CNOT6: variants seen among roughly 807,000 people sequenced by gnomAD.
The protein encoded by CNOT6 is carbon catabolite repression 4 protein.
CNOT6 carries 12 observed loss-of-function variants against 61.2 expected under a neutral mutation model. That is an observed-to-expected ratio of 0.20 (90% CI 0.13 to 0.32). The LOEUF is 0.32. CNOT6 is among the 10% of genes least tolerant of loss of function. CNOT6 has a pLI of 1.00. For missense variants in CNOT6, 405 were observed against 663.9 expected, an observed-to-expected ratio of 0.61 and a Z score of 4.28; for synonymous variants, 225 against 240.6, an observed-to-expected ratio of 0.94 and a Z score of 0.60.
intron 2 of CNOT6, among the ~76,000 whole-genome samples, chr5:180,536,646 T>C (rs1242996431): frequency 6.6e-6 from 1 of 152,076 alleles, no homozygotes; most frequent in African/African-American, 2.4e-5. Flanking sequence ...GATCTCACTT[T>C]GTCACCCAGG....
rs572865987 is a variant in CNOT6 at position 180,515,984 on chromosome 5, C to G, written c.-2-13291C>G. On this transcript the variant is annotated intron_variant, in intron 1 of 11. Transcript: ENST00000261951. ...GGAGTGCAGTGGCTTGATCTCATCTCACTGCAACTTCCACTTCCTGGTCTC... is the reference window on the plus strand; with the variant it reads ...GGAGTGCAGTGGCTTGATCTCATCTGACTGCAACTTCCACTTCCTGGTCTC... Among the ~76,000 whole-genome samples the G allele has an allele frequency of 9.2e-5, 14 of 152,240 alleles. No homozygotes were observed. The East Asian group carries it at 2.5e-3, about 27-fold the overall frequency.
chr5:180,551,229 C>T (rs1274197217), intron 3 of CNOT6, among the ~76,000 whole-genome samples: 1 of 150,922 alleles, frequency 6.6e-6, no homozygotes, highest in Non-Finnish European at 1.5e-5. Context: ...TCGTGGCATG[C>T]ACCTGTAGTC....
At chr5:180,525,923 A>AC (rs1426653960) in intron 1 of CNOT6, among the ~76,000 whole-genome samples, 15 of 151,906 alleles carry the variant, frequency 9.9e-5, no homozygotes, top group Non-Finnish European at 2.2e-4. Context: ...TCTTCTTTTA[A>AC]AAAAAAATTA....
intron 1 of CNOT6, among the ~76,000 whole-genome samples, chr5:180,513,142 C>G (rs1475822099): frequency 6.6e-6 from 1 of 152,000 alleles, no homozygotes; most frequent in Non-Finnish European, 1.5e-5. Flanking sequence ...CGTGATCCAC[C>G]CGCCTTGGCC....
chr5:180,520,273 T>C (rs1029956227), intron 1 of CNOT6, among the ~76,000 whole-genome samples: 4 of 152,182 alleles, frequency 2.6e-5, no homozygotes, highest in African/African-American at 7.2e-5. Flanking sequence ...AATAAGAGTT[T>C]TTAGATGAAC....
At chr5:180,539,041 G>A (rs1018150086) in intron 2 of CNOT6, among the ~76,000 whole-genome samples, 2 of 151,680 alleles carry the variant, frequency 1.3e-5, no homozygotes, top group African/African-American at 4.8e-5. Flanking sequence ...TGGGTGTGGT[G>A]GTATGTGCCA....
rs755954581 is a variant in CNOT6 at position 180,573,552 on chromosome 5, A to AGTGT, written c.1462-389_1462-386dup. Reference sequence around the variant, plus strand: ...TCCAGGCAGAATGGTGGAGGGGGGCAGTGTGTGTGTGTGTGTGTGTGTGTG... The same window carrying AGTGT: ...TCCAGGCAGAATGGTGGAGGGGGGCAGTGTGTGTGTGTGTGTGTGTGTGTGTGTG... On this transcript the variant is annotated intron_variant, in intron 11 of 11. Transcript: ENST00000261951. Among the ~76,000 whole-genome samples the AGTGT allele has an allele frequency of 8.0e-4, 96 of 119,262 alleles. 1 individual carries two copies. The highest frequency in any genetic ancestry group is 1.5e-3 in the African/African-American group (47 of 31,138). The allele number at this position is 119,262 out of a possible 152,430, so 78.2% of individuals were successfully genotyped here. A position where few individuals can be genotyped will look rare whatever the true frequency, so the allele number is the denominator to read the frequency against.
At chr5:180,516,413 C>G (rs1757640907) in intron 1 of CNOT6, among the ~76,000 whole-genome samples, 1 of 152,124 alleles carries the variant, frequency 6.6e-6, no homozygotes, top group Non-Finnish European at 1.5e-5. Context: ...ATCTCCCAAC[C>G]TTGTGATCCG....
chr5:180,558,175 C>T (rs1334156847), intron 4 of CNOT6, among the ~76,000 whole-genome samples: 1 of 152,174 alleles, frequency 6.6e-6, no homozygotes, highest in African/African-American at 2.4e-5. Context: ...GGAACACACT[C>T]CAGGCTACTG....
chr5:180,506,003 C>T (rs940303118), intron 1 of CNOT6, among the ~76,000 whole-genome samples: 12 of 152,110 alleles, frequency 7.9e-5, no homozygotes, highest in African/African-American at 2.9e-4. Flanking sequence ...AAATGAGGGG[C>T]TCATGATCCC....
intron 2 of CNOT6, among the ~76,000 whole-genome samples, chr5:180,538,686 G>GTATATATATGTATATA (rs1163540445): frequency 2.4e-5 from 2 of 85,082 alleles, no homozygotes; most frequent in Admixed American, 1.5e-4. Context: ...TGAGAAAAAG[G>GTATATATATGTATATA]TATATATATA....
intron 1 of CNOT6, among the ~76,000 whole-genome samples, chr5:180,510,362 C>G (rs920586846): frequency 6.6e-6 from 1 of 151,872 alleles, no homozygotes; most frequent in African/African-American, 2.4e-5. Flanking sequence ...GAAAGAGAAA[C>G]AAACAAATGT....
At chr5:180,508,345 T>G (rs975678715) in intron 1 of CNOT6, among the ~76,000 whole-genome samples, 10 of 152,210 alleles carry the variant, frequency 6.6e-5, no homozygotes, top group South Asian at 4.1e-4. Context: ...GGAGTCTCGC[T>G]CTCTCACCCA....
intron 1 of CNOT6, among the ~76,000 whole-genome samples, chr5:180,504,410 A>C (rs1208480507): frequency 6.6e-6 from 1 of 152,226 alleles, no homozygotes; most frequent in Non-Finnish European, 1.5e-5. Context: ...TGTGTATCTG[A>C]ATTGGCAGCC....
At chr5:180,507,460 G>C (rs531251757) in intron 1 of CNOT6, among the ~76,000 whole-genome samples, 2 of 152,192 alleles carry the variant, frequency 1.3e-5, no homozygotes, top group Non-Finnish European at 1.5e-5. Context: ...AAATTAGCCA[G>C]GCGTGGTGGT....
At chr5:180,505,608 C>G (rs1277234762) in intron 1 of CNOT6, among the ~76,000 whole-genome samples, 2 of 135,158 alleles carry the variant, frequency 1.5e-5, no homozygotes, top group Non-Finnish European at 3.2e-5. Context: ...ACTGCAGTGG[C>G]GCGATCTCGG....
intron 1 of CNOT6, among the ~76,000 whole-genome samples, chr5:180,511,482 GCA>G: frequency 6.6e-6 from 1 of 152,148 alleles, no homozygotes; most frequent in Non-Finnish European, 1.5e-5. Context: ...GTGGTGGCAT[GCA>G]CCTGTAGTTC....
intron 2 of CNOT6, among the ~76,000 whole-genome samples, chr5:180,532,549 A>C (rs535246870): frequency 1.3e-5 from 2 of 152,220 alleles, no homozygotes; most frequent in South Asian, 2.1e-4. Flanking sequence ...ATCAACACAA[A>C]AGAAGACTTC....
intron 2 of CNOT6, among the ~76,000 whole-genome samples, chr5:180,538,719 A>ATAT (rs1561648400): frequency 8.0e-6 from 1 of 124,888 alleles, no homozygotes; most frequent in African/African-American, 3.0e-5. Flanking sequence ...TATATATACA[A>ATAT]AAAAATTAGC....
Sources: allele counts gnomAD v4.1 joint callset (sites outside exome capture counted in the v4.1 genomes callset), GRCh38; gene constraint gnomAD v4.1.1; transcripts MANE v1.5; gene names NCBI Gene and HGNC (gene_info 2026-07-23, HGNC 2026-07-21).